Variants in LARS2 observed in about 807,000 individuals in gnomAD.
LARS2 encodes leucyl-tRNA synthetase 2, mitochondrial, also known as leucine--tRNA ligase, mitochondrial.
LARS2 carries 81 observed loss-of-function variants against 116.6 expected under a neutral mutation model. That is an observed-to-expected ratio of 0.69 (90% confidence interval 0.58 to 0.84). LARS2 has a LOEUF of 0.84. Among genes scored for constraint, LARS2 ranks in the 40% least tolerant of loss-of-function variants. The pLI is 0.00. For missense variants in LARS2, 968 were observed against 1,114.5 expected, an observed-to-expected ratio of 0.87 and a Z score of 1.87; for synonymous variants, 396 against 407.2, an observed-to-expected ratio of 0.97 and a Z score of 0.33.
rs565328933 is a variant in LARS2, at chr3:45,426,464, C to T, written c.516+6735C>T. Reference sequence around the variant, plus strand: ...TGGATTACTTGTTCTCCCTCAGAGTCAGAAATTAACCTTTTCCTGAAGGTT... The same window carrying T: ...TGGATTACTTGTTCTCCCTCAGAGTTAGAAATTAACCTTTTCCTGAAGGTT... On this transcript the variant is annotated intron_variant, in intron 6 of 21. Transcript: ENST00000645846. 2.6e-5 allele frequency among the ~76,000 whole-genome samples: 4 copies of T among 152,318 alleles called. 1 individual carries two copies. The South Asian group carries it at 8.3e-4, about 32-fold the overall frequency.
In LARS2 at chr3:45,487,920, G is replaced by T. The variant is rs550964049; in HGVS notation, c.1124-777G>T. The stretch of plus-strand genomic sequence containing the variant: ...AAATGTCTACTTAGAATGTACTATT[G>T]CCTTTGGGAACAAAACATAGTTACC... On this transcript the variant is annotated intron_variant, in intron 11 of 21. Coordinates refer to ENST00000645846, the MANE Select transcript of LARS2 (RefSeq NM_015340.4). Among the ~76,000 whole-genome samples the T allele has an allele frequency of 2.6e-5, 4 of 152,214 alleles. No homozygotes were observed. In the East Asian group the frequency reaches 7.7e-4, roughly 29 times the overall value.
intron 7 of LARS2, among the ~76,000 whole-genome samples, chr3:45,447,532 A>ATT (rs1699042334): frequency 8.7e-6 from 1 of 114,314 alleles, no homozygotes; most frequent in East Asian, 3.7e-4. Context: ...GTTCAGCCAA[A>ATT]TTCTCTGTGT....
At chr3:45,419,478 G>A (rs1375398599) in intron 5 of LARS2, among the ~76,000 whole-genome samples, 191 bp from the exon 6 acceptor site, 3 of 152,194 alleles carry the variant, frequency 2.0e-5, no homozygotes, top group Admixed American at 2.0e-4. Context: ...TCCAAATAAT[G>A]GGTGTCTTCT....
chr3:45,464,076 G>A (rs759112316), intron 8 of LARS2, among the ~76,000 whole-genome samples: 2 of 152,164 alleles, frequency 1.3e-5, no homozygotes, highest in Non-Finnish European at 2.9e-5. Context: ...GGTAATAAGC[G>A]CCCATTTCCC....
chr3:45,510,764 G>A (rs777833978), intron 15 of LARS2, among the ~76,000 whole-genome samples: 10 of 152,158 alleles, frequency 6.6e-5, no homozygotes, highest in Non-Finnish European at 1.3e-4. Flanking sequence ...ATTGGGAGGA[G>A]GAGCTCTTCA....
chr3:45,461,810 G>A (rs540739663), intron 8 of LARS2, among the ~76,000 whole-genome samples: 119 of 152,314 alleles, frequency 7.8e-4, no homozygotes, highest in Non-Finnish European at 1.5e-3. Context: ...CAAGGAAGCC[G>A]TGGCTTGAAT....
chr3:45,545,302 C>T (rs535522174), intron 21 of LARS2, among the ~76,000 whole-genome samples: 99 of 152,328 alleles, frequency 6.5e-4, no homozygotes, highest in Middle Eastern at 3.4e-3. Context: ...GGGAGGAACA[C>T]CTGTGGCCTG....
chr3:45,531,475 T>C (rs1355797179), intron 20 of LARS2, among the ~76,000 whole-genome samples: 1 of 152,118 alleles, frequency 6.6e-6, no homozygotes, highest in Admixed American at 6.5e-5. Context: ...CCTCCTGGGC[T>C]CAAGCAGACC....
chr3:45,389,544 C>G (rs927923992), intron 1 of LARS2, among the ~76,000 whole-genome samples: 11 of 152,210 alleles, frequency 7.2e-5, no homozygotes, highest in Admixed American at 6.5e-4. Context: ...CAGGGCCCTT[C>G]CTATTCTCAA....
At chr3:45,398,039 A>G (rs1414868900) in intron 3 of LARS2, among the ~76,000 whole-genome samples, 4 of 152,184 alleles carry the variant, frequency 2.6e-5, no homozygotes, top group Non-Finnish European at 5.9e-5. Flanking sequence ...GTTTGTATAA[A>G]TCCATTGTAG....
rs1223081345 is a variant in LARS2, at chr3:45,484,618, A to ATAT, written c.1019-1074_1019-1073insTAT. ...CCTGTCTCTACAAAAAAAAAAAAAAAAAAAAAAAAAAAATATATATATATA... is the reference window on the plus strand; with the variant it reads ...CCTGTCTCTACAAAAAAAAAAAAAAATATAAAAAAAAAAAAATATATATATATA... On this transcript the variant is annotated intron_variant, in intron 10 of 21. Coordinates refer to ENST00000645846, the MANE Select transcript of LARS2 (RefSeq NM_015340.4). Among the ~76,000 whole-genome samples the ATAT allele has an allele frequency of 3.6e-4, 5 of 13,908 alleles. 1 individual carries two copies. The highest frequency in any genetic ancestry group is 3.9e-3 in the East Asian group (1 of 256). The allele number at this position is 13,908 out of a possible 152,430, so 9.1% of individuals were successfully genotyped here.
At chr3:45,488,669 A>T in intron 11 of LARS2, 28 bp from the exon 12 acceptor site, 1 of 1,397,172 alleles carries the variant, frequency 7.2e-7, no homozygotes, top group East Asian at 2.3e-5. Context: ...TGTGAAGGAA[A>T]TGTTTTCTTT....
At chr3:45,447,692 G>A (rs1319702533) in intron 7 of LARS2, among the ~76,000 whole-genome samples, 1 of 152,114 alleles carries the variant, frequency 6.6e-6, no homozygotes, top group East Asian at 1.9e-4. Context: ...CCCAGTCTGT[G>A]GTATTCTATT....
chr3:45,473,575 G>A (rs1181153003), intron 8 of LARS2, among the ~76,000 whole-genome samples: 2 of 151,640 alleles, frequency 1.3e-5, no homozygotes, highest in Non-Finnish European at 2.9e-5. Context: ...GTAGAGACGG[G>A]GTTTCACCAT....
At chr3:45,515,212 GTTC>G (rs1345687571) in intron 16 of LARS2, among the ~76,000 whole-genome samples, 6 of 152,170 alleles carry the variant, frequency 3.9e-5, no homozygotes, top group African/African-American at 1.2e-4. Context: ...CTCGTTCTTA[GTTC>G]TTCTTCCTGC....
intron 4 of LARS2, among the ~76,000 whole-genome samples, chr3:45,416,091 C>T (rs1698416618): frequency 6.6e-6 from 1 of 151,496 alleles, no homozygotes; most frequent in Admixed American, 6.6e-5. Flanking sequence ...GTTTCCCTCC[C>T]TTACTGGTAG....
At chr3:45,391,312 C>T (rs1314260875) in intron 1 of LARS2, among the ~76,000 whole-genome samples, 1 of 151,690 alleles carries the variant, frequency 6.6e-6, no homozygotes, top group Non-Finnish European at 1.5e-5. Context: ...AGTGAAACGC[C>T]GTCTCTACTA....
At chr3:45,475,199 T>C (rs934718256) in intron 9 of LARS2, among the ~76,000 whole-genome samples, 7 of 152,218 alleles carry the variant, frequency 4.6e-5, no homozygotes, top group African/African-American at 1.7e-4. Context: ...TGAGACAAAG[T>C]TGGCCTTCCT....
rs1217089502 is a variant in LARS2 at position 45,485,773 on chromosome 3, A to T, written c.1100A>T (p.Glu367Val). The change falls in exon 11 of 22, where the codon GAA becomes GTA. Residue 367 changes from glutamate (E) to valine (V), a missense_variant. By Grantham distance (121) the Glu-to-Val change is moderately radical. Coordinates refer to ENST00000645846, the MANE Select transcript of LARS2 (RefSeq NM_015340.4). ...GTTATTTTGGCCAAAGCTGACTTGG[A>T]AGGCTCTCTGGATTCAAAAATAGGT... ...PVVILAKADL[E>V]GSLDSKIGIP... 1.2e-6 allele frequency: 2 copies of T among 1,610,134 alleles called. No individual in the cohort carries two copies. The highest frequency in any genetic ancestry group is 1.7e-6 in the Non-Finnish European group (2 of 1,177,404).
Sources: gnomAD v4.1 joint callset for allele counts (sites outside exome capture counted in the v4.1 genomes callset) on GRCh38, gnomAD v4.1.1 for gene constraint, MANE v1.5 for transcripts, NCBI Gene and HGNC (gene_info 2026-07-23, HGNC 2026-07-21) for gene names.